The following SLC35D2 variants were observed in gnomAD, a reference collection of about 807,000 sequenced individuals.
The protein encoded by SLC35D2 is nucleotide sugar transporter SLC35D2.
A neutral mutation model predicts 41.8 loss-of-function variants in SLC35D2; 43 were observed. The observed-to-expected ratio is 1.03, with a 90% CI of 0.81 to 1.33. SLC35D2 has a LOEUF of 1.33. SLC35D2 is among the 40% of genes most tolerant of loss of function. The pLI, the probability that SLC35D2 is intolerant of heterozygous loss-of-function variation, is 0.00. For missense variants in SLC35D2, 380 were observed against 408.4 expected (o/e 0.93, Z 0.60); for synonymous variants, 150 against 163.9 (o/e 0.92, Z 0.65).
intron 1 of SLC35D2, among the ~76,000 whole-genome samples, chr9:96,383,102 G>A (rs768744013): frequency 2.6e-5 from 4 of 152,144 alleles, no homozygotes; most frequent in African/African-American, 4.8e-5. Context: ...AGACTTACTG[G>A]CTCAGGAGTA....
At chr9:96,362,722 C>T (rs1007783997) in intron 3 of SLC35D2, among the ~76,000 whole-genome samples, 1 of 151,998 alleles carries the variant, frequency 6.6e-6, no homozygotes, top group Non-Finnish European at 1.5e-5. Flanking sequence ...TTAGATTTTA[C>T]CATTTTAAAA....
chr9:96,326,058 ACT>A (rs1285564421), intron 9 of SLC35D2, among the ~76,000 whole-genome samples: 1 of 152,204 alleles, frequency 6.6e-6, no homozygotes, highest in Admixed American at 6.5e-5. Flanking sequence ...AGTTAAAGAA[ACT>A]CTGTGGTTCT....
intron 4 of SLC35D2, among the ~76,000 whole-genome samples, chr9:96,359,896 C>G (rs1277174836): frequency 1.3e-5 from 2 of 152,070 alleles, no homozygotes; most frequent in Admixed American, 6.6e-5. Context: ...TAAATCAGAC[C>G]TTCTCTACCT....
At chr9:96,331,675 TCA>T (rs1393712514) in intron 9 of SLC35D2, among the ~76,000 whole-genome samples, 2 of 152,148 alleles carry the variant, frequency 1.3e-5, no homozygotes, top group Non-Finnish European at 2.9e-5. Context: ...GAGACCTGTC[TCA>T]CACACTTTTT....
intron 4 of SLC35D2, among the ~76,000 whole-genome samples, chr9:96,358,418 A>C (rs1174618760): frequency 6.6e-6 from 1 of 152,126 alleles, no homozygotes; most frequent in African/African-American, 2.4e-5. Context: ...TAAAATTAAA[A>C]ACTTCTGCTC....
chr9:96,336,622 A>G, intron 9 of SLC35D2, 95 bp downstream of exon 9: 1 of 800,056 alleles, frequency 1.2e-6, no homozygotes, highest in Non-Finnish European at 2.0e-6. Context: ...GAGAAACACA[A>G]AGGAATTCTG....
At chr9:96,375,739 T>C (rs904196289) in intron 1 of SLC35D2, among the ~76,000 whole-genome samples, 1 of 151,336 alleles carries the variant, frequency 6.6e-6, no homozygotes, top group Non-Finnish European at 1.5e-5. Flanking sequence ...TGATTCTGGC[T>C]GGGTGTGGTG....
At chr9:96,375,647 C>T (rs1307844751) in intron 1 of SLC35D2, among the ~76,000 whole-genome samples, 3 of 151,914 alleles carry the variant, frequency 2.0e-5, no homozygotes, top group Non-Finnish European at 2.9e-5. Flanking sequence ...ATTTCTGTAT[C>T]CCCAATGTTT....
At chr9:96,363,149 G>A (rs184988139) in intron 3 of SLC35D2, among the ~76,000 whole-genome samples, 25 of 151,482 alleles carry the variant, frequency 1.7e-4, no homozygotes, top group Admixed American at 5.9e-4. Context: ...TTACAGGCGT[G>A]AGCCACCCCA....
At chr9:96,359,666 GAC>G (rs1292830883) in intron 4 of SLC35D2, among the ~76,000 whole-genome samples, 1 of 150,876 alleles carries the variant, frequency 6.6e-6, no homozygotes, top group Non-Finnish European at 1.5e-5. Flanking sequence ...CAACCTGGGA[GAC>G]AGAGTGAGAC....
chr9:96,342,072 A>G (rs1458605516), intron 8 of SLC35D2, among the ~76,000 whole-genome samples: 1 of 151,886 alleles, frequency 6.6e-6, no homozygotes, highest in Non-Finnish European at 1.5e-5. Context: ...ACAAGCCTCT[A>G]GGACCACTTC....
chr9:96,350,358 T>TC (rs1180036047), intron 6 of SLC35D2, among the ~76,000 whole-genome samples: 1 of 141,240 alleles, frequency 7.1e-6, no homozygotes, highest in Non-Finnish European at 1.5e-5. Flanking sequence ...TTTTTTTTTT[T>TC]TTTTTTTTTT....
intron 10 of SLC35D2, among the ~76,000 whole-genome samples, chr9:96,322,413 C>A (rs1476117758): frequency 4.6e-5 from 7 of 152,024 alleles, no homozygotes; most frequent in Non-Finnish European, 1.0e-4. Flanking sequence ...CCCAGCTACT[C>A]CACACGGACT....
chr9:96,367,799 T>G, intron 2 of SLC35D2, among the ~76,000 whole-genome samples: 1 of 151,760 alleles, frequency 6.6e-6, no homozygotes, highest in East Asian at 1.9e-4. Context: ...AAAAAAAAAT[T>G]CAAACTCTCT....
At position 96,324,319 on chromosome 9, in the gene SLC35D2, A is replaced by G. The variant is rs73534915; in HGVS notation, c.753-150T>C. The stretch of plus-strand genomic sequence containing the variant: ...AAGGTTTTGTAACCCACATCTTAAG[A>G]TATGTTGCTATTGGTCTTATGACAG... On this transcript the variant is annotated intron_variant, in intron 9 of 11. Transcript: ENST00000253270. 362 of 570,472 alleles carry G rather than the reference A, an allele frequency of 6.3e-4. 2 individuals carry two copies. Among genetic ancestry groups the G allele is most frequent in the African/African-American group, 6.0e-3 (320 of 53,294 alleles). The allele number at this position is 570,472 out of a possible 1,614,324, so 35.3% of individuals were successfully genotyped here. A position where few individuals can be genotyped will look rare whatever the true frequency, so the allele number is the denominator to read the frequency against.
At position 96,324,255 on chromosome 9, in the gene SLC35D2, C is replaced by G. The variant is rs147730425; in HGVS notation, c.753-86G>C. On this transcript the variant is annotated intron_variant, in intron 9 of 11. Coordinates refer to ENST00000253270, the MANE Select transcript of SLC35D2 (RefSeq NM_007001.3). ...GTTAAGGCCAGCAGTGACCCCCACACAAGCACTTTAAGCGAAGAAAAAAGA... is the reference window on the plus strand; with the variant it reads ...GTTAAGGCCAGCAGTGACCCCCACAGAAGCACTTTAAGCGAAGAAAAAAGA... 25 of 1,052,298 alleles carry G rather than the reference C, an allele frequency of 2.4e-5. No homozygotes were observed. The East Asian group carries it at 5.4e-4, about 23-fold the overall frequency. The allele number at this position is 1,052,298 out of a possible 1,614,324, so 65.2% of individuals were successfully genotyped here.
At chr9:96,334,927 A>G (rs925122826) in intron 9 of SLC35D2, among the ~76,000 whole-genome samples, 3 of 152,232 alleles carry the variant, frequency 2.0e-5, no homozygotes, top group Admixed American at 2.0e-4. Context: ...AAATTGTTAA[A>G]ATCAAAAACT....
At chr9:96,370,067 G>A (rs66843688) in intron 1 of SLC35D2, among the ~76,000 whole-genome samples, 56 of 152,170 alleles carry the variant, frequency 3.7e-4, no homozygotes, top group African/African-American at 8.7e-4. Context: ...GAAAGCTGCC[G>A]GATAATAGCA....
At chr9:96,374,311 G>A (rs1587723665) in intron 1 of SLC35D2, among the ~76,000 whole-genome samples, 2 of 152,100 alleles carry the variant, frequency 1.3e-5, no homozygotes, top group Non-Finnish European at 2.9e-5. Flanking sequence ...CAAGGCAGGC[G>A]AATCACGAGG....
Sources: allele counts gnomAD v4.1 joint callset (sites outside exome capture counted in the v4.1 genomes callset), GRCh38; gene constraint gnomAD v4.1.1; transcripts MANE v1.5; gene names NCBI Gene and HGNC (gene_info 2026-07-23, HGNC 2026-07-21).